Variants in CTIF observed in about 807,000 individuals in gnomAD.
CTIF encodes the protein CBP80/20-dependent translation initiation factor.
In CTIF, 21 loss-of-function variants were observed where a neutral mutation model predicts 66.0. The ratio of observed to expected loss-of-function variants is 0.32; its 90% CI spans 0.23 to 0.46. The LOEUF is 0.46. Ranked by LOEUF, CTIF falls within the 20% of genes least tolerant of loss-of-function variation. CTIF has a pLI of 1.00. For synonymous variants in CTIF, 345 were observed against 326.4 expected, an observed-to-expected ratio of 1.06 and a Z score of -0.62; for missense variants, 739 against 812.7, an observed-to-expected ratio of 0.91 and a Z score of 1.10.
At chr18:48,768,406 A>G (rs1909775730) in intron 9 of CTIF, among the ~76,000 whole-genome samples, 2 of 152,152 alleles carry the variant, frequency 1.3e-5, no homozygotes, top group Non-Finnish European at 2.9e-5. Flanking sequence ...TCTCTGGGGC[A>G]TGAGGGGCTT....
At chr18:48,809,042 A>G (rs145822348) in intron 9 of CTIF, among the ~76,000 whole-genome samples, 3 of 152,330 alleles carry the variant, frequency 2.0e-5, no homozygotes, top group East Asian at 1.9e-4. Flanking sequence ...TCGCTAGTTG[A>G]AGACGTTCTC....
intron 3 of CTIF, among the ~76,000 whole-genome samples, chr18:48,645,109 A>C (rs2091002810): frequency 6.6e-6 from 1 of 152,028 alleles, no homozygotes; most frequent in East Asian, 1.9e-4. Flanking sequence ...ACAACTAAAA[A>C]CCCAAGACAT....
intron 10 of CTIF, among the ~76,000 whole-genome samples, chr18:48,853,174 C>T (rs1156963862): frequency 6.6e-6 from 1 of 152,188 alleles, no homozygotes; most frequent in African/African-American, 2.4e-5. Flanking sequence ...AGTGGACCGA[C>T]ATCGCCCTAC....
At chr18:48,700,925 GT>G (rs1188518024) in intron 6 of CTIF, among the ~76,000 whole-genome samples, 4 of 152,228 alleles carry the variant, frequency 2.6e-5, no homozygotes, top group Non-Finnish European at 5.9e-5. Context: ...CTCTTCTAGA[GT>G]TGGTTGATGC....
At chr18:48,638,866 C>T (rs572109771) in intron 3 of CTIF, among the ~76,000 whole-genome samples, 1 of 152,390 alleles carries the variant, frequency 6.6e-6, no homozygotes, top group South Asian at 2.1e-4. Flanking sequence ...AGGACAGGGT[C>T]TCTGCATAGA....
At chr18:48,640,512 G>A (rs1296879887) in intron 3 of CTIF, among the ~76,000 whole-genome samples, 1 of 152,248 alleles carries the variant, frequency 6.6e-6, no homozygotes, top group Non-Finnish European at 1.5e-5. Flanking sequence ...CCATCAGGAT[G>A]ATGGGAGAAC....
At chr18:48,758,884 G>A (rs1908680861) in intron 8 of CTIF, among the ~76,000 whole-genome samples, 1 of 152,214 alleles carries the variant, frequency 6.6e-6, no homozygotes, top group African/African-American at 2.4e-5. Context: ...GTTGTTCAGA[G>A]TGGGGGCAGG....
chr18:48,692,494 T>TA (rs2091944676), intron 6 of CTIF: 1 of 152,254 alleles, frequency 6.6e-6, no homozygotes, highest in Non-Finnish European at 1.5e-5. Context: ...AAGTGTTTCC[T>TA]AACCATTCTG....
intron 9 of CTIF, among the ~76,000 whole-genome samples, chr18:48,763,543 C>T (rs1389895525): frequency 6.6e-6 from 1 of 152,226 alleles, no homozygotes; most frequent in African/African-American, 2.4e-5. Flanking sequence ...CAACAAAGTC[C>T]TCTGCATTCC....
At chr18:48,833,831 T>G (rs1420403304) in intron 10 of CTIF, among the ~76,000 whole-genome samples, 1 of 152,170 alleles carries the variant, frequency 6.6e-6, no homozygotes, top group Non-Finnish European at 1.5e-5. Context: ...AATGTTAGGT[T>G]TTCATACAGG....
chr18:48,754,650 G>A (rs1389961006), intron 7 of CTIF, among the ~76,000 whole-genome samples: 1 of 152,198 alleles, frequency 6.6e-6, no homozygotes, highest in Non-Finnish European at 1.5e-5. Flanking sequence ...AATTAGGAGG[G>A]AACACTTGAG....
chr18:48,857,596 A>G lies in CTIF; in HGVS notation c.1536A>G (p.Gln512=), dbSNP rs370775546. The change falls in exon 11 of 12, where the codon CAA becomes CAG. Residue 512 remains glutamine, a synonymous_variant. Transcript: ENST00000256413. ...GCCCCTCTCTTCCACAGCTCTTGCA[A>G]TCTCAGGATGTGAAGGAAGATGCTG... ...PIYTCLRELL[Q]SQDVKEDAVL... is the part of the protein sequence containing the mutation. 13 of 1,608,738 alleles carry G rather than the reference A, an allele frequency of 8.1e-6. No individual in the cohort carries two copies. In the African/African-American group the frequency reaches 1.5e-4, roughly 18 times the overall value.
chr18:48,599,995 G>A (rs2090061674), intron 1 of CTIF, among the ~76,000 whole-genome samples: 3 of 152,146 alleles, frequency 2.0e-5, no homozygotes, highest in Non-Finnish European at 4.4e-5. Context: ...GAGGGTGTGA[G>A]GTGAGAAGGG....
intron 1 of CTIF, among the ~76,000 whole-genome samples, chr18:48,582,198 C>T (rs1192088122): frequency 6.6e-6 from 1 of 151,980 alleles, no homozygotes; most frequent in South Asian, 2.1e-4. Flanking sequence ...AGACAGCTGC[C>T]AGTGTCAGAG....
chr18:48,553,347 G>A lies in CTIF; in HGVS notation c.-29+14035G>A, dbSNP rs1003210758. 3.9e-5 allele frequency among the ~76,000 whole-genome samples: 6 copies of A among 152,320 alleles called. No homozygotes were observed. In the East Asian group the frequency reaches 1.2e-3, roughly 29 times the overall value. The stretch of plus-strand genomic sequence containing the variant: ...CCAGAGAGAAGCCAGCCACGGGCGT[G>A]GCAAGCCTTGGAGGCCCAAGTTGAG... On this transcript the variant is annotated intron_variant, in intron 1 of 11. Transcript: ENST00000256413.
intron 9 of CTIF, among the ~76,000 whole-genome samples, chr18:48,811,437 A>C (rs1435993982): frequency 6.6e-6 from 1 of 152,042 alleles, no homozygotes; most frequent in Non-Finnish European, 1.5e-5. Flanking sequence ...AAATAACATA[A>C]AATATACTAT....
intron 6 of CTIF, among the ~76,000 whole-genome samples, chr18:48,702,796 G>C (rs1275093162): frequency 6.6e-6 from 1 of 152,120 alleles, no homozygotes. Flanking sequence ...TCTCTGAATA[G>C]CTGTGCAGCC....
chr18:48,772,338 A>C (rs1910230986), intron 9 of CTIF, among the ~76,000 whole-genome samples: 1 of 152,104 alleles, frequency 6.6e-6, no homozygotes, highest in Admixed American at 6.5e-5. Flanking sequence ...CATAAAATTC[A>C]CCATCTGAAC....
intron 7 of CTIF, among the ~76,000 whole-genome samples, chr18:48,736,323 G>C (rs1025706502): frequency 9.2e-5 from 14 of 152,206 alleles, no homozygotes; most frequent in African/African-American, 3.4e-4. Context: ...GCTGCCTTCT[G>C]CACTCGGCAT....
Sources: allele counts gnomAD v4.1 joint callset (sites outside exome capture counted in the v4.1 genomes callset), GRCh38; gene constraint gnomAD v4.1.1; transcripts MANE v1.5; gene names NCBI Gene and HGNC (gene_info 2026-07-23, HGNC 2026-07-21).